The following SNRK variants were observed in gnomAD, a reference collection of about 807,000 sequenced individuals.
The protein encoded by SNRK is SNF-related serine/threonine-protein kinase.
SNRK carries 3 observed loss-of-function variants against 48.2 expected under a neutral mutation model. The observed-to-expected ratio is 0.06, with a 90% CI of 0.03 to 0.16. The LOEUF (loss-of-function observed/expected upper bound fraction) is 0.16, where lower values mean the gene tolerates loss of function less well. Among genes scored for constraint, SNRK ranks in the 10% least tolerant of loss-of-function variants. The pLI is 1.00. For missense variants in SNRK, 627 were observed against 976.0 expected (o/e 0.64, Z 4.76); for synonymous variants, 376 against 366.1 (o/e 1.03, Z -0.31).
chr3:43,336,085 T>A (rs2091185652), intron 4 of SNRK, among the ~76,000 whole-genome samples: 1 of 152,224 alleles, frequency 6.6e-6, no homozygotes, highest in African/African-American at 2.4e-5. Context: ...TTATGCCATC[T>A]TTTTATATGT....
intron 1 of SNRK, among the ~76,000 whole-genome samples, chr3:43,294,478 A>G (rs2090837108): frequency 6.6e-6 from 1 of 152,200 alleles, no homozygotes; most frequent in African/African-American, 2.4e-5. Flanking sequence ...AGAAACTGTG[A>G]TTGGTCACAT....
intron 1 of SNRK, among the ~76,000 whole-genome samples, chr3:43,288,137 T>C (rs1223743234): frequency 6.6e-6 from 1 of 152,234 alleles, no homozygotes; most frequent in Non-Finnish European, 1.5e-5. Flanking sequence ...CAAGGTCACA[T>C]ATTGAAGCAG....
chr3:43,291,618 C>T (rs189627867), intron 1 of SNRK, among the ~76,000 whole-genome samples: 1 of 152,332 alleles, frequency 6.6e-6, no homozygotes, highest in Admixed American at 6.5e-5. Flanking sequence ...TTCACAATAA[C>T]TGTCCAAGGT....
intron 4 of SNRK, among the ~76,000 whole-genome samples, chr3:43,336,155 G>A (rs2091186459): frequency 6.6e-6 from 1 of 151,398 alleles, no homozygotes; most frequent in Non-Finnish European, 1.5e-5. Context: ...GGAGTTGATG[G>A]AGGATTCCTT....
At chr3:43,328,121 A>G (rs1453069458) in intron 3 of SNRK, among the ~76,000 whole-genome samples, 1 of 152,074 alleles carries the variant, frequency 6.6e-6, no homozygotes, top group Non-Finnish European at 1.5e-5. Context: ...TAACCCGTGG[A>G]TCTTTAATAT....
chr3:43,336,525 T>C (rs1388768864), intron 4 of SNRK, among the ~76,000 whole-genome samples: 3 of 152,068 alleles, frequency 2.0e-5, no homozygotes, highest in African/African-American at 7.2e-5. Context: ...AGAGACCGGG[T>C]CTCACTATGT....
intron 3 of SNRK, among the ~76,000 whole-genome samples, chr3:43,323,288 A>G (rs1249639653): frequency 6.6e-6 from 1 of 152,264 alleles, no homozygotes; most frequent in Non-Finnish European, 1.5e-5. Context: ...TATTTTGTAC[A>G]GTACCAAGAG....
chr3:43,320,102 A>G (rs1017513742), intron 3 of SNRK, among the ~76,000 whole-genome samples: 1 of 152,304 alleles, frequency 6.6e-6, no homozygotes, highest in East Asian at 1.9e-4. Flanking sequence ...GTGCCTTTGA[A>G]TACGTGACTC....
chr3:43,327,946 C>T (rs958093599), intron 3 of SNRK, among the ~76,000 whole-genome samples: 2 of 83,682 alleles, frequency 2.4e-5, no homozygotes, highest in African/African-American at 8.7e-5. Context: ...TCCCATAGTT[C>T]CATGAGTTGG....
intron 3 of SNRK, among the ~76,000 whole-genome samples, chr3:43,313,772 T>C (rs2090995746): frequency 2.0e-5 from 3 of 152,218 alleles, no homozygotes; most frequent in South Asian, 4.1e-4. Context: ...AATGTTACTA[T>C]TGGGGGAAAC....
chr3:43,301,231 A>C (rs2090895700), intron 2 of SNRK, among the ~76,000 whole-genome samples: 1 of 152,234 alleles, frequency 6.6e-6, no homozygotes, highest in African/African-American at 2.4e-5. Context: ...AGGGGGTTCT[A>C]GGTATGCAAT....
chr3:43,312,108 A>AGTCTGTATACTAGG (rs2090982899), intron 3 of SNRK, among the ~76,000 whole-genome samples: 1 of 152,170 alleles, frequency 6.6e-6, no homozygotes, highest in South Asian at 2.1e-4. Flanking sequence ...TCTGGATTTA[A>AGTCTGTATACTAGG]AAACCCTTAT....
Position 43,303,707 on chromosome 3 carries a change from G to A in SNRK, c.504G>A (p.Gly168=), listed in dbSNP as rs2090914495. The change falls in exon 3 of 7, where the codon GGG becomes GGA. Residue 168 remains glycine, a synonymous_variant. Transcript: ENST00000296088. The surrounding 1 kb of genome is among the most constrained non-coding windows in gnomAD (Gnocchi z 6.2). ...DFGFSNKFQP[G]KKLTTSCGSL... ...GGTTCAGCAACAAATTTCAACCAGG[G>A]AAGAAGCTCACTACAAGCTGTGGAT... 1.2e-6 allele frequency: 2 copies of A among 1,613,924 alleles called. No individual in the cohort carries two copies. Among genetic ancestry groups the A allele is most frequent in the South Asian group, 1.1e-5 (1 of 91,080 alleles).
intron 1 of SNRK, among the ~76,000 whole-genome samples, chr3:43,296,926 A>G (rs2090860504): frequency 6.6e-6 from 1 of 152,192 alleles, no homozygotes; most frequent in African/African-American, 2.4e-5. Context: ...TCAGTAGGAG[A>G]ACATCAGTAT....
intron 3 of SNRK, among the ~76,000 whole-genome samples, chr3:43,318,040 G>A (rs1187931927): frequency 1.3e-5 from 2 of 152,148 alleles, no homozygotes; most frequent in Non-Finnish European, 2.9e-5. Flanking sequence ...ATGTTTCTAT[G>A]GTGTTGCTGC....
intron 3 of SNRK, among the ~76,000 whole-genome samples, chr3:43,322,950 T>TAAAAAAA (rs1352207746): frequency 3.3e-3 from 4 of 1,222 alleles, no homozygotes; most frequent in Admixed American, 0.011. Context: ...AGACTCCGTC[T>TAAAAAAA]CAAAAAAAAA....
chr3:43,326,002 A>G (rs913898055), intron 3 of SNRK, among the ~76,000 whole-genome samples: 1 of 152,102 alleles, frequency 6.6e-6, no homozygotes, highest in African/African-American at 2.4e-5. Flanking sequence ...AGTGGTACCA[A>G]CAGCAGGTTT....
chr3:43,334,680 A>G (rs1391981029), intron 4 of SNRK, among the ~76,000 whole-genome samples: 2 of 150,478 alleles, frequency 1.3e-5, no homozygotes, highest in Admixed American at 1.3e-4. Flanking sequence ...TTCAGCCTCC[A>G]CCTCCTGGGT....
intron 3 of SNRK, among the ~76,000 whole-genome samples, chr3:43,320,765 A>G (rs1205166944): frequency 6.6e-6 from 1 of 152,084 alleles, no homozygotes; most frequent in Non-Finnish European, 1.5e-5. Context: ...ATTAGGTTTA[A>G]TCATTTTTAG....
Sources: allele counts gnomAD v4.1 joint callset (sites outside exome capture counted in the v4.1 genomes callset), GRCh38; gene constraint gnomAD v4.1.1; non-coding constraint Gnocchi (gnomAD v3.1); transcripts MANE v1.5; gene names NCBI Gene and HGNC (gene_info 2026-07-23, HGNC 2026-07-21).